The following RARB variants were observed in gnomAD, a reference collection of about 807,000 sequenced individuals.
RARB encodes HBV-activated protein.
Under a neutral mutation model 51.9 loss-of-function variants are expected in RARB, and 17 were observed. The observed-to-expected ratio is 0.33, with a 90% CI of 0.22 to 0.49. The LOEUF is 0.49. Ranked by LOEUF, RARB falls within the 20% of genes least tolerant of loss-of-function variation. The pLI is 0.99. For synonymous variants in RARB, 215 were observed against 195.4 expected, an observed-to-expected ratio of 1.10 and a Z score of -0.84; for missense variants, 369 against 550.8, an observed-to-expected ratio of 0.67 and a Z score of 3.30.
intron 3 of RARB, among the ~76,000 whole-genome samples, chr3:25,072,508 C>T (rs988241867): frequency 3.3e-5 from 5 of 152,084 alleles, no homozygotes; most frequent in Non-Finnish European, 7.4e-5. Flanking sequence ...AAATGAACTA[C>T]TTGATAGCGA....
chr3:25,581,086 G>A lies in RARB; in HGVS notation c.786+364G>A, dbSNP rs536752297. Among the ~76,000 whole-genome samples the A allele has an allele frequency of 3.3e-5, 5 of 152,182 alleles. No homozygotes were observed. The South Asian group carries it at 1.0e-3, about 32-fold the overall frequency. ...ACCTGTAAGTTACTGAGTAATCATT[G>A]CCACTCTTCCTCAGGTCTGTTTAGC... On this transcript the variant is annotated intron_variant, in intron 5 of 7. Coordinates refer to ENST00000330688, the MANE Select transcript of RARB (RefSeq NM_000965.5).
At chr3:25,341,213 A>C (rs1705217119) in intron 5 of RARB, among the ~76,000 whole-genome samples, 2 of 152,212 alleles carry the variant, frequency 1.3e-5, no homozygotes, top group African/African-American at 4.8e-5. Context: ...GCCTGGCATG[A>C]AGCAGACCTT....
intron 2 of RARB, among the ~76,000 whole-genome samples, chr3:24,883,103 A>T (rs933012095): frequency 2.0e-5 from 3 of 151,996 alleles, no homozygotes; most frequent in African/African-American, 7.2e-5. Flanking sequence ...AAGTTAACCA[A>T]CCCTGGGACC....
intron 5 of RARB, among the ~76,000 whole-genome samples, chr3:25,234,650 T>C (rs1331067026): frequency 6.6e-6 from 1 of 152,048 alleles, no homozygotes; most frequent in East Asian, 1.9e-4. Context: ...CTGGGACTTT[T>C]TTTTCATAGT....
At chr3:25,298,953 T>G (rs888813118) in intron 5 of RARB, among the ~76,000 whole-genome samples, 1 of 152,140 alleles carries the variant, frequency 6.6e-6, no homozygotes, top group African/African-American at 2.4e-5. Context: ...CTTGTATGAT[T>G]ATGCTAACGT....
chr3:25,206,090 G>T (rs749799870), intron 5 of RARB, among the ~76,000 whole-genome samples: 4 of 152,074 alleles, frequency 2.6e-5, no homozygotes, highest in Non-Finnish European at 4.4e-5. Context: ...CTTACAATGG[G>T]TTTTTTGGAA....
At chr3:25,108,565 G>A (rs1699548979) in intron 3 of RARB, among the ~76,000 whole-genome samples, 1 of 152,138 alleles carries the variant, frequency 6.6e-6, no homozygotes, top group African/African-American at 2.4e-5. Context: ...TTAGGACTCA[G>A]TCGCGTGGTC....
intron 2 of RARB, among the ~76,000 whole-genome samples, chr3:24,900,802 C>T (rs955873868): frequency 6.6e-5 from 10 of 151,746 alleles, no homozygotes; most frequent in Admixed American, 2.0e-4. Context: ...AGTGATACCA[C>T]GAAAGTGATG....
At chr3:25,544,356 A>G (rs1699519182) in intron 3 of RARB, among the ~76,000 whole-genome samples, 1 of 152,224 alleles carries the variant, frequency 6.6e-6, no homozygotes, top group Non-Finnish European at 1.5e-5. Context: ...TGTTTTTTAA[A>G]TGATACTTTT....
At chr3:25,162,982 T>C (rs1230278327) in intron 4 of RARB, among the ~76,000 whole-genome samples, 1 of 152,194 alleles carries the variant, frequency 6.6e-6, no homozygotes, top group Non-Finnish European at 1.5e-5. Flanking sequence ...TGTTTAACTT[T>C]TTGAGGACCT....
At chr3:25,167,126 ATAT>A in intron 4 of RARB, among the ~76,000 whole-genome samples, 1 of 152,334 alleles carries the variant, frequency 6.6e-6, no homozygotes, top group African/African-American at 2.4e-5. Context: ...CATAGTTAAA[ATAT>A]TATTTAACTC....
Position 25,562,480 on chromosome 3 carries a change from A to G in RARB, c.449-7278A>G, listed in dbSNP as rs547143005. On this transcript the variant is annotated intron_variant, in intron 3 of 7. Transcript: ENST00000330688. ...GCCTCTTTGGACAGGATTTAGGCAA[A>G]GTAATCATTGAGAATAGCCCATTGC... is the stretch of plus-strand genomic sequence containing the variant. Among the ~76,000 whole-genome samples, 35 of 152,314 alleles carry G rather than the reference A, an allele frequency of 2.3e-4. No homozygotes were observed. In the South Asian group the frequency reaches 6.4e-3, roughly 28 times the overall value.
chr3:25,015,091 G>A (rs1026490643), intron 2 of RARB, among the ~76,000 whole-genome samples: 30 of 152,122 alleles, frequency 2.0e-4, no homozygotes, highest in Admixed American at 1.4e-3. Context: ...GAAAAATCTG[G>A]CTTTGAGTGT....
intron 4 of RARB, among the ~76,000 whole-genome samples, chr3:25,578,529 G>C (rs1701035592): frequency 6.6e-6 from 1 of 152,138 alleles, no homozygotes; most frequent in South Asian, 2.1e-4. Flanking sequence ...CCATAAGCTT[G>C]ACTCTCCGTC....
In RARB at chr3:25,589,856, T is replaced by C. The variant is rs534676388; in HGVS notation, c.787-3647T>C. On this transcript the variant is annotated intron_variant, in intron 5 of 7. Coordinates refer to ENST00000330688, the MANE Select transcript of RARB (RefSeq NM_000965.5). ...CTCGTGGGGCCTGCATGCCGGTCTT[T>C]CCAGATAAGATGCCTTCCTTTCAAA... Among the ~76,000 whole-genome samples the C allele has an allele frequency of 3.9e-5, 6 of 152,302 alleles. No individual in the cohort carries two copies. The South Asian group carries it at 1.0e-3, about 26-fold the overall frequency.
intron 2 of RARB, among the ~76,000 whole-genome samples, chr3:24,906,028 C>T (rs1694856197): frequency 6.6e-6 from 1 of 151,818 alleles, no homozygotes; most frequent in Non-Finnish European, 1.5e-5. Flanking sequence ...ACCTGGGGTA[C>T]CACAGTGGGG....
chr3:25,309,334 T>A (rs1392101643), intron 5 of RARB, among the ~76,000 whole-genome samples: 7 of 149,596 alleles, frequency 4.7e-5, no homozygotes, highest in Admixed American at 4.7e-4. Flanking sequence ...AGAGACGGGG[T>A]TTCACCGTGT....
chr3:24,924,869 A>G (rs1695285082), intron 2 of RARB, among the ~76,000 whole-genome samples: 1 of 152,110 alleles, frequency 6.6e-6, no homozygotes. Flanking sequence ...TGTAAAGAGC[A>G]TAGATGACTA....
intron 2 of RARB, among the ~76,000 whole-genome samples, chr3:25,040,228 G>A (rs1226234311): frequency 6.6e-6 from 1 of 152,160 alleles, no homozygotes; most frequent in Non-Finnish European, 1.5e-5. Context: ...CTATAGTGAT[G>A]GAAAGGAGAC....
Sources: allele counts gnomAD v4.1 joint callset (sites outside exome capture counted in the v4.1 genomes callset), GRCh38; gene constraint gnomAD v4.1.1; transcripts MANE v1.5; gene names NCBI Gene and HGNC (gene_info 2026-07-23, HGNC 2026-07-21).